Variants in PTPRD observed in about 807,000 individuals in gnomAD.
PTPRD encodes the protein receptor-type tyrosine-protein phosphatase delta.
In PTPRD, 34 loss-of-function variants were observed where a neutral mutation model predicts 214.5. The observed-to-expected ratio is 0.16, with a 90% CI of 0.12 to 0.21. PTPRD has a LOEUF of 0.21. Ranked by LOEUF, PTPRD falls within the 10% of genes least tolerant of loss-of-function variation. The probability of loss-of-function intolerance (pLI) is 1.00; values close to 1 mark genes in which losing one functional copy is unlikely to be tolerated. For synonymous variants in PTPRD, 1,128 were observed against 845.7 expected (o/e 1.33, Z -5.79); for missense variants, 2,545 against 2,398.7 (o/e 1.06, Z -1.27).
At chr9:8,744,525 T>G (rs1311399317) in intron 11 of PTPRD, among the ~76,000 whole-genome samples, 1 of 152,224 alleles carries the variant, frequency 6.6e-6, no homozygotes, top group Admixed American at 6.5e-5. Context: ...GAGACTATTA[T>G]TCTAAGTGAA....
At position 9,351,060 on chromosome 9, in the gene PTPRD, C is replaced by T. The variant is rs117062438; in HGVS notation, c.-203+46389G>A. Among the ~76,000 whole-genome samples the T allele has an allele frequency of 9.5e-3, 1,439 of 152,080 alleles. 8 individuals carry two copies. Among genetic ancestry groups the T allele is most frequent in the South Asian group, 0.025 (122 of 4,814 alleles). ...GAAGTCAAGTCTCAATTACCTTTGG[C>T]TTGGGGAATAGGGTTACATGAACAC... On this transcript the variant is annotated intron_variant, in intron 9 of 45. Transcript: ENST00000381196.
chr9:9,733,418 C>T lies in PTPRD; in HGVS notation c.-287+1115G>A, dbSNP rs118123091. On this transcript the variant is annotated intron_variant, in intron 7 of 45. Transcript: ENST00000381196. Reference sequence around the variant, plus strand: ...GCAATAATTCTGTTTAACCTCAAGTCTTCAGTAACGTTTGTTCAACATGAC... The same window carrying T: ...GCAATAATTCTGTTTAACCTCAAGTTTTCAGTAACGTTTGTTCAACATGAC... 8.2e-3 allele frequency among the ~76,000 whole-genome samples: 1,250 copies of T among 152,224 alleles called. 10 individuals are homozygous for T. Among genetic ancestry groups the T allele is most frequent in the Non-Finnish European group, 0.014 (971 of 68,026 alleles).
chr9:8,832,576 G>A (rs1045160990), intron 11 of PTPRD, among the ~76,000 whole-genome samples: 1 of 152,010 alleles, frequency 6.6e-6, no homozygotes, highest in African/African-American at 2.4e-5. Context: ...TATACTTCAA[G>A]TTATGAGAAA....
At chr9:8,530,057 T>A (rs927311853) in intron 14 of PTPRD, among the ~76,000 whole-genome samples, 1 of 151,996 alleles carries the variant, frequency 6.6e-6, no homozygotes, top group Non-Finnish European at 1.5e-5. Context: ...ATCTGGCATA[T>A]CGCTTCTCCT....
intron 4 of PTPRD, among the ~76,000 whole-genome samples, chr9:9,971,262 C>G (rs10123237): frequency 0.4 from 60,915 of 151,924 alleles, 12,385 homozygotes; most frequent in Middle Eastern, 0.53. Flanking sequence ...TCAAAAGCAG[C>G]TGAACAGGTT....
chr9:9,940,744 T>A lies in PTPRD; in HGVS notation c.-471-2134A>T, dbSNP rs188108450. On this transcript the variant is annotated intron_variant, in intron 4 of 45. Coordinates refer to ENST00000381196, the MANE Select transcript of PTPRD (RefSeq NM_002839.4). The stretch of plus-strand genomic sequence containing the variant: ...CTTCACCACTTGTTCTAATTGATCA[T>A]GTATTTTCAAACTTCTGCACTTTCG... Among the ~76,000 whole-genome samples the A allele has an allele frequency of 1.3e-3, 205 of 152,310 alleles. 1 individual carries two copies. Among genetic ancestry groups the A allele is most frequent in the African/African-American group, 4.7e-3 (196 of 41,574 alleles).
At chr9:10,064,744 AC>A (rs1464765468) in intron 3 of PTPRD, among the ~76,000 whole-genome samples, 2 of 151,922 alleles carry the variant, frequency 1.3e-5, no homozygotes, top group Non-Finnish European at 2.9e-5. Context: ...TACACCCTAA[AC>A]CTCAGCATAA....
At chr9:10,427,018 G>C (rs1489334591) in intron 2 of PTPRD, among the ~76,000 whole-genome samples, 2 of 151,928 alleles carry the variant, frequency 1.3e-5, no homozygotes, top group East Asian at 1.9e-4. Context: ...CTTCACAAAA[G>C]ATCTGTATTA....
Position 8,590,827 on chromosome 9 carries a change from T to C in PTPRD, c.352+42490A>G, listed in dbSNP as rs188440430. Among the ~76,000 whole-genome samples, 9 of 152,314 alleles carry C rather than the reference T, an allele frequency of 5.9e-5. No homozygotes were observed. In the South Asian group the frequency reaches 1.7e-3, roughly 28 times the overall value. ...AATTAGTTTCCTACTGCTGTTATAA[T>C]TAGCTGTCACAAACTCGATGGCTTA... is the stretch of plus-strand genomic sequence containing the variant. On this transcript the variant is annotated intron_variant, in intron 14 of 45. Coordinates refer to ENST00000381196, the MANE Select transcript of PTPRD (RefSeq NM_002839.4).
At chr9:10,322,369 C>T (rs2096568328) in intron 3 of PTPRD, among the ~76,000 whole-genome samples, 1 of 152,014 alleles carries the variant, frequency 6.6e-6, no homozygotes, top group African/African-American at 2.4e-5. Flanking sequence ...GACACAATTG[C>T]AGGCTGAGTC....
intron 5 of PTPRD, among the ~76,000 whole-genome samples, chr9:9,936,100 C>T (rs537153677): frequency 0.076 from 10,929 of 143,574 alleles, 1,790 homozygotes; most frequent in African/African-American, 0.3. Context: ...AAGACTTAAA[C>T]GTTCGACCTA....
intron 5 of PTPRD, among the ~76,000 whole-genome samples, chr9:9,915,397 T>C (rs1566266153): frequency 6.6e-6 from 1 of 151,484 alleles, no homozygotes; most frequent in Non-Finnish European, 1.5e-5. Context: ...TAAGGAAATA[T>C]ATGAAATGCC....
chr9:9,202,496 C>G (rs114365018), intron 9 of PTPRD, among the ~76,000 whole-genome samples: 120 of 152,180 alleles, frequency 7.9e-4, no homozygotes, highest in African/African-American at 2.7e-3. Flanking sequence ...AAAACTGTCA[C>G]AAGTTATTAG....
intron 10 of PTPRD, among the ~76,000 whole-genome samples, chr9:9,172,883 G>A: frequency 6.6e-6 from 1 of 152,102 alleles, no homozygotes; most frequent in East Asian, 1.9e-4. Flanking sequence ...TCTAACTCAA[G>A]CCTAAATGAT....
In PTPRD at chr9:10,044,124, T is replaced by C. The variant is rs540382527; in HGVS notation, c.-544-10334A>G. ...CTTGTTCAACACCCTGGCCATCTAC[T>C]GTTGAAGACATCTATAATTCACTGG... On this transcript the variant is annotated intron_variant, in intron 3 of 45. Coordinates refer to ENST00000381196, the MANE Select transcript of PTPRD (RefSeq NM_002839.4). Among the ~76,000 whole-genome samples, 27 of 151,912 alleles carry C rather than the reference T, an allele frequency of 1.8e-4. 1 individual carries two copies. The South Asian group carries it at 5.4e-3, about 30-fold the overall frequency.
chr9:8,646,750 T>C lies in PTPRD; in HGVS notation c.65-9906A>G, dbSNP rs536044578. On this transcript the variant is annotated intron_variant, in intron 12 of 45. Transcript: ENST00000381196. ...TTAAGCACATGTGTTTTCTCCCCTT[T>C]CACATTCATAGAACCTTGAGAAAAT... 3.3e-5 allele frequency among the ~76,000 whole-genome samples: 5 copies of C among 152,304 alleles called. No individual in the cohort carries two copies. In the East Asian group the frequency reaches 9.6e-4, roughly 29 times the overall value.
intron 3 of PTPRD, among the ~76,000 whole-genome samples, chr9:10,249,162 T>A (rs775320390): frequency 6.6e-6 from 1 of 152,194 alleles, no homozygotes; most frequent in African/African-American, 2.4e-5. Flanking sequence ...TCTATGCTTT[T>A]ATCTCCCATC....
rs528420444 is a variant in PTPRD at position 8,585,779 on chromosome 9, A to G, written c.352+47538T>C. 4.6e-5 allele frequency among the ~76,000 whole-genome samples: 7 copies of G among 152,320 alleles called. No individual in the cohort carries two copies. The South Asian group carries it at 1.4e-3, about 32-fold the overall frequency. On this transcript the variant is annotated intron_variant, in intron 14 of 45. Coordinates refer to ENST00000381196, the MANE Select transcript of PTPRD (RefSeq NM_002839.4). The stretch of plus-strand genomic sequence containing the variant: ...AAAAAATGCTTGCATTTTGCCAGGC[A>G]CTTCTGATTTCTCTGCCTGTACTAT...
chr9:10,546,800 T>C (rs73396250), intron 2 of PTPRD, among the ~76,000 whole-genome samples: 14,322 of 152,118 alleles, frequency 0.094, 840 homozygotes, highest in African/African-American at 0.15. Context: ...GTTTGCATTG[T>C]ACAAAAACTT....
Sources: allele counts gnomAD v4.1 joint callset (sites outside exome capture counted in the v4.1 genomes callset), GRCh38; gene constraint gnomAD v4.1.1; transcripts MANE v1.5; gene names NCBI Gene and HGNC (gene_info 2026-07-23, HGNC 2026-07-21).